The following MGAT4C variants were observed in gnomAD, a reference collection of about 807,000 sequenced individuals.
The protein encoded by MGAT4C is alpha-1,3-mannosyl-glycoprotein 4-beta-N-acetylglucosaminyltransferase C.
A neutral mutation model predicts 40.1 loss-of-function variants in MGAT4C; 19 were observed. The ratio of observed to expected loss-of-function variants is 0.47; its 90% CI spans 0.33 to 0.70. The LOEUF is 0.70. MGAT4C is among the 30% of genes least tolerant of loss of function. MGAT4C has a pLI of 0.02. For synonymous variants in MGAT4C, 181 were observed against 187.1 expected, an observed-to-expected ratio of 0.97 and a Z score of 0.27; for missense variants, 491 against 563.2, an observed-to-expected ratio of 0.87 and a Z score of 1.30.
intron 4 of MGAT4C, among the ~76,000 whole-genome samples, chr12:86,267,521 A>G (rs971885345): frequency 3.9e-5 from 6 of 152,200 alleles, no homozygotes; most frequent in African/African-American, 1.4e-4. Flanking sequence ...AAGAATTTAT[A>G]AATTTTAAAT....
chr12:86,232,245 T>G (rs996223254), intron 1 of MGAT4C, among the ~76,000 whole-genome samples: 2 of 152,144 alleles, frequency 1.3e-5, no homozygotes, highest in South Asian at 2.1e-4. Flanking sequence ...TATGGAAAAA[T>G]TTTAAAGTTA....
intron 4 of MGAT4C, among the ~76,000 whole-genome samples, chr12:86,278,178 C>T (rs1362549923): frequency 6.0e-5 from 6 of 99,942 alleles, no homozygotes; most frequent in African/African-American, 1.1e-4. Context: ...TGTTGACTTC[C>T]TTTTTTTTTT....
chr12:86,256,806 C>G (rs368278274), upstream of MGAT4C, among the ~76,000 whole-genome samples: 102 of 152,228 alleles, frequency 6.7e-4, 1 homozygote, highest in South Asian at 0.02. Context: ...TTTTACAGTA[C>G]TAGCCCCTGA....
intron 1 of MGAT4C, among the ~76,000 whole-genome samples, chr12:86,170,911 A>C (rs1463957830): frequency 6.6e-6 from 1 of 152,128 alleles, no homozygotes; most frequent in Non-Finnish European, 1.5e-5. Flanking sequence ...GAAAGAAAGA[A>C]AAGAAAGAGA....
intron 1 of MGAT4C, among the ~76,000 whole-genome samples, chr12:86,082,670 T>C (rs1871054681): frequency 2.0e-5 from 3 of 152,106 alleles, no homozygotes; most frequent in African/African-American, 7.2e-5. Flanking sequence ...CTATTACATA[T>C]GATATGATAT....
rs904332605 is a variant in MGAT4C, at chr12:86,730,370, G to T, written c.-261-3129C>A. ...AATAAAAAGTAAACACAGGAATAAA[G>T]TCATATCATCTTTTTCAAGGCACAG... On this transcript the variant is annotated intron_variant, in intron 1 of 7. Coordinates refer to the MGAT4C transcript ENST00000548651. 3.2e-4 allele frequency among the ~76,000 whole-genome samples: 45 copies of T among 141,578 alleles called. No homozygotes were observed. The Admixed American group carries it at 3.4e-3, about 11-fold the overall frequency. The allele number at this position is 141,578 out of a possible 152,430, so 92.9% of individuals were successfully genotyped here. A position where few individuals can be genotyped will look rare whatever the true frequency, so the allele number is the denominator to read the frequency against.
intron 2 of MGAT4C, chr12:86,599,683 G>T (rs1961691927): frequency 6.6e-6 from 1 of 152,048 alleles, no homozygotes; most frequent in Non-Finnish European, 1.5e-5. Flanking sequence ...TGGAGCAAAA[G>T]GATGTTAAAT....
At chr12:86,079,990 C>T (rs959137791) in intron 1 of MGAT4C, among the ~76,000 whole-genome samples, 4 of 151,368 alleles carry the variant, frequency 2.6e-5, no homozygotes, top group Non-Finnish European at 5.9e-5. Context: ...TTTTTTCTTT[C>T]TACTTGATCC....
At chr12:86,615,843 A>G (rs1056307048) in intron 2 of MGAT4C, among the ~76,000 whole-genome samples, 1 of 152,086 alleles carries the variant, frequency 6.6e-6, no homozygotes, top group Non-Finnish European at 1.5e-5. Flanking sequence ...TCAAAACTAG[A>G]ATAGATCAGG....
At chr12:86,189,654 T>C (rs1305992119) in intron 1 of MGAT4C, among the ~76,000 whole-genome samples, 2 of 152,044 alleles carry the variant, frequency 1.3e-5, no homozygotes, top group Non-Finnish European at 2.9e-5. Context: ...TAAAAGCTCT[T>C]TACCTTTGAA....
At chr12:86,615,855 T>G (rs1184215028) in intron 2 of MGAT4C, among the ~76,000 whole-genome samples, 1 of 152,060 alleles carries the variant, frequency 6.6e-6, no homozygotes, top group Non-Finnish European at 1.5e-5. Context: ...TAGATCAGGC[T>G]CAGTCTGGTC....
At chr12:86,301,396 T>C (rs191410231) in intron 4 of MGAT4C, among the ~76,000 whole-genome samples, 1 of 152,204 alleles carries the variant, frequency 6.6e-6, no homozygotes, top group East Asian at 1.9e-4. Flanking sequence ...ATGGTTTCTA[T>C]TTTACACATC....
chr12:86,272,897 A>AT (rs1952984961), intron 4 of MGAT4C, among the ~76,000 whole-genome samples: 1 of 152,148 alleles, frequency 6.6e-6, no homozygotes, highest in Non-Finnish European at 1.5e-5. Context: ...ATTTGCATTC[A>AT]TTGTACAGAT....
chr12:86,728,846 ACT>A lies in MGAT4C; in HGVS notation c.-261-1607_-261-1606del, dbSNP rs532298456. ...TACCACTACATAATTATGAAAATAC[ACT>A]GTTTTCTCACTTACTTTTTGTCTTA... On this transcript the variant is annotated intron_variant, in intron 1 of 7. Transcript: ENST00000548651. Among the ~76,000 whole-genome samples the A allele has an allele frequency of 1.2e-4, 19 of 152,296 alleles. No homozygotes were observed. The South Asian group carries it at 3.9e-3, about 32-fold the overall frequency.
intron 3 of MGAT4C, among the ~76,000 whole-genome samples, chr12:86,357,297 C>T (rs1215266221): frequency 6.6e-6 from 1 of 152,078 alleles, no homozygotes; most frequent in Non-Finnish European, 1.5e-5. Flanking sequence ...ACAGAAAGGA[C>T]ATCCACACCA....
intron 2 of MGAT4C, among the ~76,000 whole-genome samples, chr12:86,571,297 CAATT>C (rs1162567619): frequency 2.0e-5 from 3 of 151,848 alleles, no homozygotes; most frequent in South Asian, 4.1e-4. Flanking sequence ...TTGGTGTAAA[CAATT>C]AATTTACTCT....
chr12:86,464,807 G>T (rs931294831), intron 2 of MGAT4C, among the ~76,000 whole-genome samples: 36 of 152,094 alleles, frequency 2.4e-4, no homozygotes, highest in African/African-American at 8.4e-4. Flanking sequence ...ATTACATTAT[G>T]TATTGAATAC....
At chr12:86,049,307 T>C (rs1485651898) in intron 2 of MGAT4C, among the ~76,000 whole-genome samples, 1 of 147,802 alleles carries the variant, frequency 6.8e-6, no homozygotes, top group Non-Finnish European at 1.5e-5. Flanking sequence ...TGTGCGCCTG[T>C]GTGTGTGTGT....
chr12:86,660,833 C>A (rs1469383), intron 2 of MGAT4C, among the ~76,000 whole-genome samples: 118,251 of 152,098 alleles, frequency 0.78, 47,333 homozygotes, highest in Middle Eastern at 0.88. Context: ...TGATTTATAG[C>A]AAACCATAAC....
Sources: gnomAD v4.1 joint callset for allele counts (sites outside exome capture counted in the v4.1 genomes callset) on GRCh38, gnomAD v4.1.1 for gene constraint, MANE v1.5 for transcripts, NCBI Gene and HGNC (gene_info 2026-07-23, HGNC 2026-07-21) for gene names.